The following RASA3 variants were observed in gnomAD, a reference collection of about 807,000 sequenced individuals.
RASA3 encodes ras GTPase-activating protein 3.
RASA3 carries 73 observed loss-of-function variants against 110.0 expected under a neutral mutation model. The observed-to-expected ratio is 0.66, with a 90% CI of 0.55 to 0.81. The LOEUF (loss-of-function observed/expected upper bound fraction) is 0.81. RASA3 is among the 30% of genes least tolerant of loss of function. RASA3 has a pLI of 0.00. For missense variants in RASA3, 976 were observed against 1,113.2 expected, an observed-to-expected ratio of 0.88 and a Z score of 1.75; for synonymous variants, 500 against 451.4, an observed-to-expected ratio of 1.11 and a Z score of -1.37.
intron 1 of RASA3, among the ~76,000 whole-genome samples, chr13:114,132,175 G>A (rs2080528738): frequency 6.6e-6 from 1 of 152,228 alleles, no homozygotes; most frequent in African/African-American, 2.4e-5. Context: ...CCGCTACCAG[G>A]GACCGGGGCC....
chr13:114,013,952 GTCTCTCTC>G lies in RASA3; in HGVS notation c.1406-712_1406-705del, dbSNP rs36231035. 1.3e-4 allele frequency among the ~76,000 whole-genome samples: 14 copies of G among 108,112 alleles called. 1 individual carries two copies. The highest frequency in any genetic ancestry group is 1.9e-4 in the African/African-American group (5 of 26,872). 70.9% of individuals were successfully genotyped at this position (108,112 alleles called of 152,430 possible). ...TCTCTCTCCCTGTCTCTATCTCTCT[GTCTCTCTC>G]TCTCTCTCTCCGTCTCGATCTCTCT... On this transcript the variant is annotated intron_variant, in intron 14 of 23. Coordinates refer to ENST00000334062, the MANE Select transcript of RASA3 (RefSeq NM_007368.4).
At chr13:114,009,264 C>T (rs1365486446) in intron 17 of RASA3, 123 bp downstream of exon 17, 3 of 794,452 alleles carry the variant, frequency 3.8e-6, no homozygotes, top group Non-Finnish European at 6.4e-6. Context: ...GCACCGAACG[C>T]CTTTATTGTT....
chr13:114,081,232 G>A (rs113465499), intron 1 of RASA3, among the ~76,000 whole-genome samples: 8 of 151,430 alleles, frequency 5.3e-5, no homozygotes, highest in African/African-American at 1.7e-4. Context: ...ATGCTGCCAC[G>A]TCACTCCAGA....
intron 1 of RASA3, among the ~76,000 whole-genome samples, chr13:114,127,529 C>T (rs537681528): frequency 5.9e-5 from 9 of 152,348 alleles, no homozygotes; most frequent in South Asian, 2.1e-4. Context: ...GCCTCGTGTC[C>T]CTAAGGTCAC....
intron 14 of RASA3, among the ~76,000 whole-genome samples, chr13:114,013,859 T>TCC (rs1555328692): frequency 1.3e-4 from 3 of 23,882 alleles, no homozygotes; most frequent in East Asian, 1.1e-3. Context: ...TCTCTGTCTC[T>TCC]CTCCCTGTCT....
At chr13:113,992,776 C>A (rs571377360) in intron 21 of RASA3, among the ~76,000 whole-genome samples, 188 bp from the exon 22 acceptor site, 3 of 152,210 alleles carry the variant, frequency 2.0e-5, no homozygotes, top group East Asian at 3.8e-4. Flanking sequence ...AGGCTGACAG[C>A]GTCCACAGCA....
chr13:114,041,335 A>G (rs1290741872), intron 3 of RASA3, among the ~76,000 whole-genome samples: 1 of 152,260 alleles, frequency 6.6e-6, no homozygotes, highest in Admixed American at 6.5e-5. Context: ...AAATAAAGGA[A>G]TGAGCCGGGC....
intron 14 of RASA3, 26 bp from the exon 15 acceptor site, chr13:114,013,274 C>T (rs1473560199): frequency 3.8e-6 from 6 of 1,578,004 alleles, no homozygotes; most frequent in African/African-American, 2.7e-5. Flanking sequence ...GCAGGGTGAC[C>T]GTTTTCCTCG....
intron 1 of RASA3, among the ~76,000 whole-genome samples, chr13:114,129,307 T>C (rs1428912200): frequency 6.6e-6 from 1 of 152,238 alleles, no homozygotes; most frequent in Non-Finnish European, 1.5e-5. Context: ...ATATCCAAAA[T>C]GATTCCACAA....
At chr13:114,017,955 T>G in intron 11 of RASA3, 149 bp downstream of exon 11, 1 of 881,528 alleles carries the variant, frequency 1.1e-6, no homozygotes, top group Non-Finnish European at 1.6e-6. Context: ...ATTAACTGGG[T>G]CTGTGAAAGA....
At chr13:113,993,192 TCTC>T (rs1267807062) in intron 21 of RASA3, among the ~76,000 whole-genome samples, 1 of 152,104 alleles carries the variant, frequency 6.6e-6, no homozygotes, top group Non-Finnish European at 1.5e-5. Flanking sequence ...TATGTCTGCT[TCTC>T]CTATGTTCAC....
At chr13:114,040,892 A>G (rs2054390372) in intron 4 of RASA3, 108 bp downstream of exon 4, 6 of 1,037,076 alleles carry the variant, frequency 5.8e-6, no homozygotes, top group Non-Finnish European at 8.7e-6. Flanking sequence ...ATTCCCAGTC[A>G]AGGCCGAAGC....
intron 8 of RASA3, among the ~76,000 whole-genome samples, chr13:114,023,592 C>T (rs2053971738): frequency 6.6e-6 from 1 of 152,250 alleles, no homozygotes; most frequent in African/African-American, 2.4e-5. Flanking sequence ...AGGGCACATT[C>T]TGACGCCTGC....
chr13:114,010,893 G>A (rs1312873460), intron 16 of RASA3, among the ~76,000 whole-genome samples: 2 of 126,450 alleles, frequency 1.6e-5, no homozygotes, highest in Non-Finnish European at 1.7e-5. Context: ...CTGTTCAGCC[G>A]CTTCCCACAC....
At chr13:113,981,041 G>C (rs1485237339) in intron 23 of RASA3, among the ~76,000 whole-genome samples, 2 of 152,214 alleles carry the variant, frequency 1.3e-5, no homozygotes, top group African/African-American at 4.8e-5. Flanking sequence ...GGTACCCACT[G>C]GATGGAGAGA....
chr13:113,982,375 G>A (rs978798887), intron 22 of RASA3, among the ~76,000 whole-genome samples: 77 of 152,210 alleles, frequency 5.1e-4, no homozygotes, highest in African/African-American at 1.7e-3. Flanking sequence ...AGGGCTGGCC[G>A]AGCACAGGGC....
chr13:114,093,840 T>G (rs1250442920), intron 1 of RASA3, among the ~76,000 whole-genome samples: 2 of 152,162 alleles, frequency 1.3e-5, no homozygotes, highest in Non-Finnish European at 2.9e-5. Context: ...CTACTAATGC[T>G]CTCTCTTTCA....
rs562467562 is a variant in RASA3, at chr13:114,005,349, C to T, written c.1742+2184G>A. Reference sequence around the variant, plus strand: ...GACGGGGTTGGTGGAAACGGGCAGACGTGTCAGTTATGTAAGGAAGGTTGA... The same window carrying T: ...GACGGGGTTGGTGGAAACGGGCAGATGTGTCAGTTATGTAAGGAAGGTTGA... On this transcript the variant is annotated intron_variant, in intron 18 of 23. Coordinates refer to ENST00000334062, the MANE Select transcript of RASA3 (RefSeq NM_007368.4). Among the ~76,000 whole-genome samples, 34 of 152,266 alleles carry T rather than the reference C, an allele frequency of 2.2e-4. 1 individual carries two copies. In the South Asian group the frequency reaches 6.6e-3, roughly 30 times the overall value.
In RASA3 at chr13:114,009,357, C is replaced by T. The variant is rs144551552; in HGVS notation, c.1668+30G>A. The T allele has an allele frequency of 8.4e-4, 1,303 of 1,554,212 alleles. 11 individuals carry two copies. The African/African-American group carries it at 0.015, about 18-fold the overall frequency. On this transcript the variant is annotated intron_variant, in intron 17 of 23. Coordinates refer to ENST00000334062, the MANE Select transcript of RASA3 (RefSeq NM_007368.4). ...AACTCCGTCTCCTGAGCACGGCACA[C>T]GGGCGGTCGGAGGGTGAGTCGATAC...
Sources: allele counts gnomAD v4.1 joint callset (sites outside exome capture counted in the v4.1 genomes callset), GRCh38; gene constraint gnomAD v4.1.1; transcripts MANE v1.5; gene names NCBI Gene and HGNC (gene_info 2026-07-23, HGNC 2026-07-21).